GBA1: variants seen among roughly 807,000 people sequenced by gnomAD.
GBA1 encodes the protein glucosylceramidase beta 1.
the GBA1 span, chr1:155,240,542 C>G: frequency 9.8e-7 from 1 of 1,016,358 alleles, no homozygotes; most frequent in Non-Finnish European, 1.6e-6. Context: ...TACTAAAAGT[C>G]TACCACCAGC....
the GBA1 span, chr1:155,240,670 G>A: frequency 1.2e-6 from 2 of 1,613,712 alleles, no homozygotes; most frequent in Non-Finnish European, 1.7e-6. Flanking sequence ...GCAATCCTGT[G>A]AGGCTGCCAG....
At chr1:155,237,903 CAAA>C in the GBA1 span, 128 of 531,944 alleles carry the variant, frequency 2.4e-4, no homozygotes, top group Middle Eastern at 1.0e-3. Flanking sequence ...GACTCCTTCT[CAAA>C]AAAAAAAAAA....
the GBA1 span, chr1:155,237,793 T>C: frequency 1.0e-6 from 1 of 998,404 alleles, no homozygotes; most frequent in Non-Finnish European, 1.5e-6. Flanking sequence ...TCCCAGCTAC[T>C]TGGAAGGCTG....
chr1:155,238,905 GGGCAGAAGTCA>G, the GBA1 span: 1 of 510,254 alleles, frequency 2.0e-6, no homozygotes, highest in South Asian at 2.0e-5. Context: ...TGTCAGGGAT[GGGCAGAAGTCA>G]GGGTCCAAAG....
the GBA1 span, chr1:155,236,158 G>T: frequency 8.5e-7 from 1 of 1,175,182 alleles, no homozygotes; most frequent in Non-Finnish European, 1.3e-6. Flanking sequence ...GGGGAAAGCT[G>T]GACAGGAAGG....
chr1:155,244,175 G>C, the GBA1 span: 3 of 152,212 alleles, frequency 2.0e-5, no homozygotes, highest in Admixed American at 2.0e-4. Flanking sequence ...CGAGGCGGGC[G>C]GATCACGAGG....
At chr1:155,236,261 C>G in the GBA1 span, 1 of 1,613,912 alleles carries the variant, frequency 6.2e-7, no homozygotes, top group Non-Finnish European at 8.5e-7. Flanking sequence ...GATGCTGTGG[C>G]TGTACTGCAT....
At chr1:155,242,430 C>A in the GBA1 span, among the ~76,000 whole-genome samples, 38 of 152,020 alleles carry the variant, frequency 2.5e-4, 1 homozygote, top group African/African-American at 7.2e-4. Flanking sequence ...ACTATGTTGG[C>A]CAGGCTGGTC....
the GBA1 span, chr1:155,239,962 G>T: frequency 3.1e-6 from 5 of 1,613,984 alleles, no homozygotes; most frequent in African/African-American, 6.7e-5. Context: ...TCTCATAGCG[G>T]CTGAAGGTAC....
chr1:155,238,592 G>A, the GBA1 span: 1 of 1,613,602 alleles, frequency 6.2e-7, no homozygotes, highest in South Asian at 1.1e-5. Context: ...CATAGGTGTA[G>A]GTGCGGATGG....
chr1:155,236,157 T>C, the GBA1 span: 1 of 1,170,458 alleles, frequency 8.5e-7, no homozygotes, highest in Non-Finnish European at 1.3e-6. Context: ...TGGGGAAAGC[T>C]GGACAGGAAG....
At chr1:155,241,336 G>A in the GBA1 span, 1 of 620,780 alleles carries the variant, frequency 1.6e-6, no homozygotes, top group Admixed American at 2.9e-5. Flanking sequence ...TTTCTAAAGG[G>A]CAATTGGCTT....
At chr1:155,237,490 G>C in the GBA1 span, 1 of 1,613,942 alleles carries the variant, frequency 6.2e-7, no homozygotes, top group Middle Eastern at 1.7e-4. Context: ...CACTGGAAGG[G>C]GTATCCACTC....
At chr1:155,236,775 A>ATG in the GBA1 span, among the ~76,000 whole-genome samples, 8 of 150,916 alleles carry the variant, frequency 5.3e-5, no homozygotes, top group African/African-American at 1.5e-4. Flanking sequence ...GTGTGTATGT[A>ATG]TGTGTGTGTG....
the GBA1 span, chr1:155,237,916 A>T: frequency 1.5e-6 from 1 of 667,772 alleles, no homozygotes; most frequent in Non-Finnish European, 2.5e-6. Context: ...AAAAAAAAAA[A>T]AGAAGAAAAA....
chr1:155,239,777 AG>A, the GBA1 span: 5 of 1,614,060 alleles, frequency 3.1e-6, no homozygotes, highest in Non-Finnish European at 3.4e-6. Flanking sequence ...GGACATCCAC[AG>A]GGAATAAGGG....
At chr1:155,242,548 G>A in the GBA1 span, among the ~76,000 whole-genome samples, 1 of 151,812 alleles carries the variant, frequency 6.6e-6, no homozygotes, top group Non-Finnish European at 1.5e-5. Flanking sequence ...TTCTTTAAAT[G>A]ATCTCAGTGA....
At chr1:155,237,838 G>T in the GBA1 span, 4 of 712,768 alleles carry the variant, frequency 5.6e-6, no homozygotes, top group Non-Finnish European at 9.2e-6. Context: ...GGAGGCAGAG[G>T]TTACAGTGAG....
chr1:155,243,407 TCTC>T, the GBA1 span, among the ~76,000 whole-genome samples: 1 of 152,224 alleles, frequency 6.6e-6, no homozygotes, highest in East Asian at 1.9e-4. Context: ...AGTCCAAACA[TCTC>T]CTTCCACTTC....
Sources: allele counts gnomAD v4.1 joint callset (sites outside exome capture counted in the v4.1 genomes callset), GRCh38; gene constraint gnomAD v4.1.1; transcripts MANE v1.5; gene names NCBI Gene and HGNC (gene_info 2026-07-23, HGNC 2026-07-21).